The following RPH3AL variants were observed in gnomAD, a reference collection of about 807,000 sequenced individuals.
RPH3AL encodes the protein rab effector Noc2.
A neutral mutation model predicts 43.1 loss-of-function variants in RPH3AL; 38 were observed. The observed-to-expected ratio is 0.88, with a 90% confidence interval of 0.68 to 1.15. The LOEUF is 1.15. RPH3AL is among the 50% of genes most tolerant of loss of function. The pLI, the probability that RPH3AL is intolerant of heterozygous loss-of-function variation, is 0.00. For missense variants in RPH3AL, 462 were observed against 423.2 expected, an observed-to-expected ratio of 1.09 and a Z score of -0.81; for synonymous variants, 189 against 176.3, an observed-to-expected ratio of 1.07 and a Z score of -0.57.
chr17:282,837 C>A (rs759167943), intron 5 of RPH3AL, among the ~76,000 whole-genome samples: 12 of 152,152 alleles, frequency 7.9e-5, no homozygotes, highest in Non-Finnish European at 1.3e-4. Flanking sequence ...TGTGACACAG[C>A]GGAAAGTATT....
At chr17:260,785 C>A (rs1555546002) in intron 6 of RPH3AL, among the ~76,000 whole-genome samples, 1 of 152,114 alleles carries the variant, frequency 6.6e-6, no homozygotes, top group African/African-American at 2.4e-5. Context: ...CACCCCAGGA[C>A]CCAGCCTCCC....
chr17:258,641 C>A (rs1305072737), intron 6 of RPH3AL, among the ~76,000 whole-genome samples: 1 of 152,188 alleles, frequency 6.6e-6, no homozygotes, highest in Non-Finnish European at 1.5e-5. Context: ...CTCCCACCCC[C>A]ACTCCACTCA....
chr17:297,160 G>A (rs2043203741), intron 5 of RPH3AL, among the ~76,000 whole-genome samples: 1 of 152,220 alleles, frequency 6.6e-6, no homozygotes, highest in Non-Finnish European at 1.5e-5. Context: ...CTGAACACGT[G>A]GAGGTTCTTG....
intron 2 of RPH3AL, among the ~76,000 whole-genome samples, chr17:330,428 A>G (rs2044723434): frequency 6.6e-6 from 1 of 152,236 alleles, no homozygotes; most frequent in African/African-American, 2.4e-5. Context: ...CAGGTCAAAA[A>G]TGATACCGTC....
chr17:324,469 G>A (rs1338821675), intron 3 of RPH3AL, among the ~76,000 whole-genome samples: 1 of 152,158 alleles, frequency 6.6e-6, no homozygotes, highest in Non-Finnish European at 1.5e-5. Context: ...GCAACCTCCA[G>A]GAAGAACCTG....
intron 7 of RPH3AL, among the ~76,000 whole-genome samples, chr17:242,591 A>ATTGATTAC (rs2041581641): frequency 1.6e-5 from 2 of 124,904 alleles, no homozygotes; most frequent in Admixed American, 7.9e-5. Flanking sequence ...TCTATTGACT[A>ATTGATTAC]CCTTCCTCTA....
intron 6 of RPH3AL, among the ~76,000 whole-genome samples, chr17:262,501 A>G (rs978413482): frequency 1.1e-4 from 16 of 149,350 alleles, no homozygotes; most frequent in Non-Finnish European, 1.9e-4. Flanking sequence ...GGCGTGAGCC[A>G]CCGCACCCGG....
intron 7 of RPH3AL, among the ~76,000 whole-genome samples, chr17:228,157 G>A (rs892525536): frequency 6.6e-6 from 1 of 152,212 alleles, no homozygotes; most frequent in African/African-American, 2.4e-5. Flanking sequence ...TTGGGTTGGT[G>A]TCCTGCCTCT....
rs562618489 is a variant in RPH3AL at position 317,136 on chromosome 17, G to T, written c.351+2284C>A. Among the ~76,000 whole-genome samples the T allele has an allele frequency of 7.8e-3, 1,117 of 142,338 alleles. 9 individuals are homozygous for T. The highest frequency in any genetic ancestry group is 0.028 in the African/African-American group (1,036 of 37,338). The allele number at this position is 142,338 out of a possible 152,430, so 93.4% of individuals were successfully genotyped here. A position where few individuals can be genotyped will look rare whatever the true frequency, so the allele number is the denominator to read the frequency against. On this transcript the variant is annotated intron_variant, in intron 5 of 9. Coordinates refer to ENST00000331302, the MANE Select transcript of RPH3AL (RefSeq NM_006987.4). ...GTGACTCCACCTCCACTGACGTGTAGTCCCTGTGCCCCACCTCCATTGACC... is the reference window on the plus strand; with the variant it reads ...GTGACTCCACCTCCACTGACGTGTATTCCCTGTGCCCCACCTCCATTGACC...
intron 5 of RPH3AL, among the ~76,000 whole-genome samples, chr17:304,469 T>C (rs2043412290): frequency 1.3e-5 from 2 of 152,130 alleles, no homozygotes; most frequent in African/African-American, 4.8e-5. Context: ...AGCTAACTCA[T>C]TAAAGTCTGT....
intron 6 of RPH3AL, among the ~76,000 whole-genome samples, chr17:267,552 C>T (rs943948557): frequency 6.6e-6 from 1 of 152,220 alleles, no homozygotes; most frequent in Non-Finnish European, 1.5e-5. Flanking sequence ...CAAAGTGAAA[C>T]CCTGTCTGGG....
Position 225,782 on chromosome 17 carries a change from G to A in RPH3AL, c.614-6046C>T, listed in dbSNP as rs1003350753. On this transcript the variant is annotated intron_variant, in intron 7 of 9. Transcript: ENST00000331302. The surrounding 1 kb of genome is among the most constrained non-coding windows in gnomAD (Gnocchi z 4.4). ...AAAATCTACACAGTCTGGGGCTGGC[G>A]GTGGGCACGGGGCTCCGTGGTGTCA... 3.9e-5 allele frequency among the ~76,000 whole-genome samples: 6 copies of A among 152,200 alleles called. No homozygotes were observed. The highest frequency in any genetic ancestry group is 9.6e-5 in the African/African-American group (4 of 41,456).
rs1393338333 is a variant in RPH3AL, at chr17:245,151, G to A, written c.613+1960C>T. On this transcript the variant is annotated intron_variant, in intron 7 of 9. Transcript: ENST00000331302. The surrounding 1 kb of genome is among the most constrained non-coding windows in gnomAD (Gnocchi z 5.9). ...GATGTGTGTGTCCATGTGGATGTGTGTGTGCACATGGATGTGTCTGTGTGT... is the reference window on the plus strand; with the variant it reads ...GATGTGTGTGTCCATGTGGATGTGTATGTGCACATGGATGTGTCTGTGTGT... Among the ~76,000 whole-genome samples, 1 of 151,704 alleles carries A rather than the reference G, an allele frequency of 6.6e-6. No individual in the cohort carries two copies. The highest frequency in any genetic ancestry group is 6.6e-5 in the Admixed American group (1 of 15,236).
intron 7 of RPH3AL, among the ~76,000 whole-genome samples, chr17:221,854 C>T (rs1184149878): frequency 8.0e-6 from 1 of 125,610 alleles, no homozygotes; most frequent in African/African-American, 3.4e-5. Context: ...AGAACAACAG[C>T]TCTGAGGCCT....
rs1054963979 is a variant in RPH3AL, at chr17:333,833, C to T, written c.-111G>A. On this transcript the variant is annotated 5_prime_UTR_variant, in exon 2 of 10. The change creates a new upstream start codon in the 5' untranslated region. Transcript: ENST00000331302. The surrounding 1 kb of genome is among the most constrained non-coding windows in gnomAD (Gnocchi z 4.5). The stretch of plus-strand genomic sequence containing the variant: ...TCATGCTTGCTGTCTCCAAAGTGCA[C>T]GTACAAGTGTCCACTACACAAATTC... The T allele has an allele frequency of 1.5e-4, 23 of 157,936 alleles. No homozygotes were observed. The highest frequency in any genetic ancestry group is 5.1e-4 in the African/African-American group (21 of 41,522). The allele number at this position is 157,936 out of a possible 1,614,324, so 9.8% of individuals were successfully genotyped here.
chr17:236,547 G>A (rs954625088), intron 7 of RPH3AL, among the ~76,000 whole-genome samples: 2 of 152,190 alleles, frequency 1.3e-5, no homozygotes. Flanking sequence ...GGTCCTGAGA[G>A]CGGGGTGGGG....
chr17:327,598 G>C lies in RPH3AL; in HGVS notation c.-36-19C>G. 1.0e-4 allele frequency: 156 copies of C among 1,526,978 alleles called. No individual in the cohort carries two copies. The highest frequency in any genetic ancestry group is 1.3e-4 in the Non-Finnish European group (144 of 1,104,190). 94.6% of individuals were successfully genotyped at this position (1,526,978 alleles called of 1,614,324 possible). Reference sequence around the variant, plus strand: ...GTCACATCTGAGATGAAGGAGGGAAGACGAAAGAGTGTGCATCATTGGCTG... The same window carrying C: ...GTCACATCTGAGATGAAGGAGGGAACACGAAAGAGTGTGCATCATTGGCTG... On this transcript the variant is annotated intron_variant, in intron 2 of 9. Coordinates refer to ENST00000331302, the MANE Select transcript of RPH3AL (RefSeq NM_006987.4).
At chr17:295,360 A>G (rs547751832) in intron 5 of RPH3AL, among the ~76,000 whole-genome samples, 495 of 136,230 alleles carry the variant, frequency 3.6e-3, no homozygotes, top group Non-Finnish European at 6.4e-3. Context: ...ATGGACGGGC[A>G]GAGGGAATGC....
At chr17:268,491 T>C (rs2042372461) in intron 6 of RPH3AL, among the ~76,000 whole-genome samples, 1 of 151,726 alleles carries the variant, frequency 6.6e-6, no homozygotes, top group Non-Finnish European at 1.5e-5. Flanking sequence ...CAGTCAACAG[T>C]AGACTATTAG....
Sources: allele counts gnomAD v4.1 joint callset (sites outside exome capture counted in the v4.1 genomes callset), GRCh38; gene constraint gnomAD v4.1.1; non-coding constraint Gnocchi (gnomAD v3.1); transcripts MANE v1.5; gene names NCBI Gene and HGNC (gene_info 2026-07-23, HGNC 2026-07-21).